HSD17B4: variants seen among roughly 807,000 people sequenced by gnomAD.
The protein encoded by HSD17B4 is hydroxysteroid 17-beta dehydrogenase 4, also known as peroxisomal multifunctional enzyme type 2.
HSD17B4 carries 70 observed loss-of-function variants against 101.0 expected under a neutral mutation model. The ratio of observed to expected loss-of-function variants is 0.69; its 90% CI spans 0.57 to 0.85. The LOEUF is 0.85. HSD17B4 is among the 40% of genes least tolerant of loss of function. HSD17B4 has a pLI of 0.00. For synonymous variants in HSD17B4, 347 were observed against 297.1 expected (o/e 1.17, Z -1.73); for missense variants, 984 against 892.4 (o/e 1.10, Z -1.31).
intron 17 of HSD17B4, among the ~76,000 whole-genome samples, chr5:119,517,083 C>T (rs1350826098): frequency 6.6e-6 from 1 of 152,200 alleles, no homozygotes; most frequent in African/African-American, 2.4e-5. Flanking sequence ...CCGGCTCCCT[C>T]AGCTTGCAGG....
At chr5:119,527,889 T>C (rs185062128) in intron 20 of HSD17B4, among the ~76,000 whole-genome samples, 1 of 152,054 alleles carries the variant, frequency 6.6e-6, no homozygotes, top group Admixed American at 6.6e-5. Context: ...TGAGGTTATT[T>C]TGGGGTGAGG....
At chr5:119,536,929 A>C (rs919326207) in intron 23 of HSD17B4, among the ~76,000 whole-genome samples, 2 of 152,142 alleles carry the variant, frequency 1.3e-5, no homozygotes, top group South Asian at 4.1e-4. Flanking sequence ...CTTAGGGTGA[A>C]TCTTAGAGGC....
At chr5:119,471,551 A>G in intron 2 of HSD17B4, 1 of 542,468 alleles carries the variant, frequency 1.8e-6, no homozygotes, top group South Asian at 6.0e-5. Flanking sequence ...ATCTTGTTTA[A>G]AAAAAATTGT....
chr5:119,508,249 C>T (rs561631805), intron 15 of HSD17B4, among the ~76,000 whole-genome samples: 139 of 151,604 alleles, frequency 9.2e-4, no homozygotes, highest in African/African-American at 3.0e-3. Context: ...AAAGTCCTGC[C>T]GAAACCTTTC....
At chr5:119,524,854 T>A (rs534503630) in intron 17 of HSD17B4, among the ~76,000 whole-genome samples, 1 of 152,270 alleles carries the variant, frequency 6.6e-6, no homozygotes, top group South Asian at 2.1e-4. Flanking sequence ...AAAGTTGGCA[T>A]AAATTTTGCT....
At chr5:119,517,609 T>G (rs920989459) in intron 17 of HSD17B4, among the ~76,000 whole-genome samples, 2 of 152,218 alleles carry the variant, frequency 1.3e-5, no homozygotes, top group Non-Finnish European at 2.9e-5. Context: ...TGTCAGGGAT[T>G]GTAAATACAC....
Position 119,496,608 on chromosome 5 carries a change from CAT to C in HSD17B4, c.936_937del (p.Thr313Ter), listed in dbSNP as rs758055753. On this transcript the variant is annotated frameshift_variant, in exon 12 of 24. Transcript: ENST00000510025. LOFTEE classifies it high-confidence loss of function. Reference protein sequence around the residue: ...IDSEGGVSANHTSRATSTATS... With the variant: ...IDSEGGVSANXTSRATSTATS... ...TTCAGAAGGAGGAGTTTCAGCAAAT[CAT>C]ACTAGTCGTGCAACGTCTACAGCAA... 2.1e-5 allele frequency: 33 copies of C among 1,605,910 alleles called. No individual in the cohort carries two copies. The African/African-American group carries it at 4.0e-4, about 20-fold the overall frequency.
At chr5:119,455,431 C>T (rs1461083986) in intron 1 of HSD17B4, among the ~76,000 whole-genome samples, 2 of 152,046 alleles carry the variant, frequency 1.3e-5, no homozygotes, top group African/African-American at 4.8e-5. Flanking sequence ...GCAGGACAAT[C>T]ACCTGAACCT....
chr5:119,523,639 A>G (rs1753311438), intron 17 of HSD17B4, among the ~76,000 whole-genome samples: 1 of 152,172 alleles, frequency 6.6e-6, no homozygotes, highest in African/African-American at 2.4e-5. Context: ...TCTTCAGAAC[A>G]CTGTATTCAT....
intron 2 of HSD17B4, among the ~76,000 whole-genome samples, chr5:119,457,379 A>G (rs1754779768): frequency 6.6e-6 from 1 of 152,252 alleles, no homozygotes; most frequent in Non-Finnish European, 1.5e-5. Context: ...GTAAGCAAGC[A>G]ACCAGGTTTT....
At chr5:119,515,117 CCTTAT>C (rs1177989970) in intron 17 of HSD17B4, 71 bp downstream of exon 17, 1 of 836,078 alleles carries the variant, frequency 1.2e-6, no homozygotes, top group African/African-American at 1.7e-5. Context: ...AGCTCTGATA[CCTTAT>C]AACATTATGC....
intron 8 of HSD17B4, among the ~76,000 whole-genome samples, chr5:119,487,020 G>C (rs555802796): frequency 6.6e-6 from 1 of 152,156 alleles, no homozygotes; most frequent in African/African-American, 2.4e-5. Context: ...TCTTCAGAGA[G>C]GATCTGTCTT....
intron 2 of HSD17B4, among the ~76,000 whole-genome samples, chr5:119,462,248 A>ATTTTTT (rs10524491): frequency 0.026 from 784 of 29,962 alleles, 105 homozygotes; most frequent in Non-Finnish European, 0.038. Context: ...AACAAATGTG[A>ATTTTTT]TTTTTTTTTT....
Position 119,542,131 on chromosome 5 carries a change from C to T in HSD17B4, c.*137C>T, listed in dbSNP as rs1239890691. 3 of 669,202 alleles carry T rather than the reference C, an allele frequency of 4.5e-6. No individual in the cohort carries two copies. The highest frequency in any genetic ancestry group is 8.2e-6 in the Non-Finnish European group (3 of 367,418). 41.5% of individuals were successfully genotyped at this position (669,202 alleles called of 1,614,324 possible). Reference sequence around the variant, plus strand: ...AACATTTTCAGATATCAGATAACTGCAGATTTTCATTTTCTACTAATTTTT... The same window carrying T: ...AACATTTTCAGATATCAGATAACTGTAGATTTTCATTTTCTACTAATTTTT... On this transcript the variant is annotated 3_prime_UTR_variant, in exon 24 of 24. Coordinates refer to ENST00000510025, the MANE Select transcript of HSD17B4 (RefSeq NM_000414.4).
chr5:119,532,048 G>C (rs1319272996), intron 22 of HSD17B4, among the ~76,000 whole-genome samples: 2 of 152,068 alleles, frequency 1.3e-5, no homozygotes, highest in Non-Finnish European at 2.9e-5. Flanking sequence ...AGAAATTAGA[G>C]GATAAAAAGA....
intron 1 of HSD17B4, 103 bp downstream of exon 1, chr5:119,452,736 G>A: frequency 1.2e-6 from 2 of 1,600,030 alleles, no homozygotes; most frequent in Non-Finnish European, 1.7e-6. Context: ...TCACCCCGCT[G>A]AGGTGGTGGG....
At chr5:119,484,291 T>G (rs1210942448) in intron 8 of HSD17B4, among the ~76,000 whole-genome samples, 1 of 152,220 alleles carries the variant, frequency 6.6e-6, no homozygotes, top group Non-Finnish European at 1.5e-5. Flanking sequence ...TTGGGTTGCC[T>G]TTTCACCTTT....
intron 14 of HSD17B4, among the ~76,000 whole-genome samples, chr5:119,503,653 T>C (rs2126796006): frequency 1.3e-5 from 2 of 152,054 alleles, no homozygotes; most frequent in Middle Eastern, 3.4e-3. Flanking sequence ...TTGGCTATAG[T>C]GGTAGTGTCA....
At chr5:119,541,820 A>T in intron 23 of HSD17B4, 85 bp from the exon 24 acceptor site, 1 of 814,374 alleles carries the variant, frequency 1.2e-6, no homozygotes, top group South Asian at 1.5e-5. Flanking sequence ...AATTGTATTC[A>T]GTCTGAATAA....
Sources: allele counts gnomAD v4.1 joint callset (sites outside exome capture counted in the v4.1 genomes callset), GRCh38; gene constraint gnomAD v4.1.1; transcripts MANE v1.5; gene names NCBI Gene and HGNC (gene_info 2026-07-23, HGNC 2026-07-21).